Variants in ANAPC7 observed in about 807,000 individuals in gnomAD.
The protein encoded by ANAPC7 is anaphase-promoting complex subunit 7.
ANAPC7 carries 25 observed loss-of-function variants against 63.3 expected under a neutral mutation model. That is an observed-to-expected ratio of 0.39 (90% confidence interval 0.29 to 0.55). The LOEUF (loss-of-function observed/expected upper bound fraction) is 0.55, where lower values mean the gene tolerates loss of function less well. ANAPC7 is among the 20% of genes least tolerant of loss of function. The pLI, the probability that ANAPC7 is intolerant of heterozygous loss-of-function variation, is 0.57. For missense variants in ANAPC7, 516 were observed against 691.7 expected (o/e 0.75, Z 2.85); for synonymous variants, 241 against 251.7 (o/e 0.96, Z 0.40).
intron 3 of ANAPC7, among the ~76,000 whole-genome samples, chr12:110,391,643 T>C (rs1192049073): frequency 1.3e-5 from 2 of 152,146 alleles, no homozygotes; most frequent in Non-Finnish European, 1.5e-5. Flanking sequence ...CTAAGAATGA[T>C]GGCAATGAAA....
Position 110,381,955 on chromosome 12 carries a change from A to C in ANAPC7, c.936-7T>G. 6.3e-5 allele frequency: 27 copies of C among 428,024 alleles called. No homozygotes were observed. The East Asian group carries it at 9.6e-4, about 15-fold the overall frequency. The allele number at this position is 428,024 out of a possible 1,614,324, so 26.5% of individuals were successfully genotyped here. A position where few individuals can be genotyped will look rare whatever the true frequency, so the allele number is the denominator to read the frequency against. On this transcript the variant is annotated splice_polypyrimidine_tract_variant and splice_region_variant and intron_variant, in intron 7 of 10. Coordinates refer to ENST00000455511, the MANE Select transcript of ANAPC7 (RefSeq NM_016238.3). ...GCTATAGAAGCTGTGACAGCTGGAG[A>C]AAAAAAAAAAAAAAAAAACACAAAA...
chr12:110,377,996 C>A (rs1385017097), intron 8 of ANAPC7: 2 of 298,092 alleles, frequency 6.7e-6, no homozygotes, highest in Non-Finnish European at 1.2e-5. Flanking sequence ...CCAACAAAAC[C>A]CAAGGTTTTG....
intron 8 of ANAPC7, among the ~76,000 whole-genome samples, chr12:110,381,457 C>T (rs1881837553): frequency 6.6e-6 from 1 of 152,272 alleles, no homozygotes; most frequent in East Asian, 1.9e-4. Context: ...CTGCTTCAGC[C>T]TCCCAAGTAG....
chr12:110,384,704 A>C (rs1489483704), intron 6 of ANAPC7, among the ~76,000 whole-genome samples: 1 of 151,944 alleles, frequency 6.6e-6, no homozygotes, highest in East Asian at 1.9e-4. Flanking sequence ...AACAAAAAAA[A>C]CAAAAAACCA....
chr12:110,403,534 TA>T lies in ANAPC7; in HGVS notation c.93del (p.Asn31LysfsTer33). 1 of 1,601,698 alleles carries T rather than the reference TA, an allele frequency of 6.2e-7. No homozygotes were observed. The highest frequency in any genetic ancestry group is 8.5e-7 in the Non-Finnish European group (1 of 1,174,900). On this transcript the variant is annotated frameshift_variant, in exon 1 of 11. Transcript: ENST00000455511. LOFTEE classifies it high-confidence loss of function. Reference protein sequence around the residue: ...LLSSLLLTMSNNNPELFSPPQ... With the variant: ...LLSSLLLTMSXNNPELFSPPQ... ...CTACCCGCCTCAACTCACGGGTTGT[TA>T]TTACTCATTGTAAGTAACAAGCTGC... is the stretch of plus-strand genomic sequence containing the variant.
rs1047511827 is a variant in ANAPC7, at chr12:110,388,595, T to C, written c.437A>G (p.Lys146Arg). Residue 146 changes from lysine (K) to arginine (R), a missense_variant, in exon 4 of 11, where the codon AAG becomes AGG. Around this residue, in one of 4 missense-constraint regions of ANAPC7, gnomAD observed 185 missense variants for 200.3 expected, o/e 0.92. Transcript: ENST00000455511. ...TGAAGGGCGCTCCTGACCAGCCTTC[T>C]TGTACAGGTTTGCCAGCATCATGTT... ...KINMMLANLY[K>R]KAGQERPSVT... The C allele has an allele frequency of 6.2e-7, 1 of 1,614,178 alleles. No individual in the cohort carries two copies. The highest frequency in any genetic ancestry group is 8.5e-7 in the Non-Finnish European group (1 of 1,180,020).
chr12:110,397,114 G>A (rs1206325298), intron 1 of ANAPC7, among the ~76,000 whole-genome samples: 2 of 151,778 alleles, frequency 1.3e-5, no homozygotes, highest in Non-Finnish European at 2.9e-5. Context: ...TGAAGCAGGA[G>A]ACTGGCATGA....
Position 110,387,768 on chromosome 12 carries a change from A to T in ANAPC7, c.645T>A (p.Gly215=). Residue 215 remains glycine, a synonymous_variant, in exon 5 of 11, where the codon GGT becomes GGA. Coordinates refer to ENST00000455511, the MANE Select transcript of ANAPC7 (RefSeq NM_016238.3). Reference sequence around the variant, plus strand: ...TGGTACTGATTGCTCTTGAGTTGTCACCAGTGTGCACAAAAGCATACGCTT... The same window carrying T: ...TGGTACTGATTGCTCTTGAGTTGTCTCCAGTGTGCACAAAAGCATACGCTT... The part of the protein sequence containing the change: ...WIKAYAFVHT[G]DNSRAISTIC... 1 of 1,614,040 alleles carries T rather than the reference A, an allele frequency of 6.2e-7. No individual in the cohort carries two copies. The highest frequency in any genetic ancestry group is 1.1e-5 in the South Asian group (1 of 91,080).
chr12:110,379,811 G>A (rs1289477614), intron 8 of ANAPC7, among the ~76,000 whole-genome samples: 1 of 152,186 alleles, frequency 6.6e-6, no homozygotes, highest in Admixed American at 6.5e-5. Context: ...CATCTTGTAA[G>A]ATCTATTTTA....
chr12:110,383,100 C>G (rs1248548703), intron 6 of ANAPC7, 140 bp from the exon 7 acceptor site: 1 of 593,680 alleles, frequency 1.7e-6, no homozygotes, highest in Non-Finnish European at 3.0e-6. Flanking sequence ...CCATCACAGG[C>G]TCCTCCAACT....
chr12:110,395,272 G>A (rs753686130), intron 2 of ANAPC7, 52 bp from the exon 3 acceptor site: 6 of 1,539,416 alleles, frequency 3.9e-6, no homozygotes, highest in African/African-American at 2.8e-5. Flanking sequence ...CAATATGACA[G>A]TTCTTCAAAA....
intron 7 of ANAPC7, 94 bp from the exon 8 acceptor site, chr12:110,382,042 C>T (rs1881906493): frequency 1.6e-6 from 2 of 1,234,968 alleles, no homozygotes; most frequent in East Asian, 2.6e-5. Context: ...ATATTGAAGG[C>T]CCTGAACATA....
chr12:110,396,159 G>A, intron 2 of ANAPC7, 107 bp downstream of exon 2: 6 of 979,280 alleles, frequency 6.1e-6, no homozygotes. Context: ...CTGCTGTGCA[G>A]CCTGGTTCCT....
intron 1 of ANAPC7, among the ~76,000 whole-genome samples, chr12:110,396,999 C>G (rs1051049839): frequency 6.6e-6 from 1 of 150,824 alleles, no homozygotes; most frequent in African/African-American, 2.4e-5. Context: ...GTCAGGAGAT[C>G]GAGACCATCC....
chr12:110,395,279 A>G (rs1166021398), intron 2 of ANAPC7, 59 bp from the exon 3 acceptor site: 1 of 1,533,816 alleles, frequency 6.5e-7, no homozygotes, highest in East Asian at 2.3e-5. Flanking sequence ...ACAGTTCTTC[A>G]AAACGTTAAA....
intron 1 of ANAPC7, among the ~76,000 whole-genome samples, chr12:110,399,290 G>C (rs1360064646): frequency 6.6e-6 from 1 of 151,470 alleles, no homozygotes; most frequent in East Asian, 2.0e-4. Context: ...AAAGTGCTGG[G>C]ATTACAGGCG....
chr12:110,374,415 G>A, intron 10 of ANAPC7, 82 bp from the exon 11 acceptor site: 2 of 1,399,922 alleles, frequency 1.4e-6, no homozygotes, highest in Non-Finnish European at 2.0e-6. Context: ...TGGCCCGGCA[G>A]TGAAATGACC....
rs577103305 is a variant in ANAPC7 at position 110,388,367 on chromosome 12, A to G, written c.520+145T>C. 2.8e-4 allele frequency: 178 copies of G among 641,648 alleles called. 1 individual carries two copies. The highest frequency in any genetic ancestry group is 2.7e-3 in the African/African-American group (147 of 54,564). 39.7% of individuals were successfully genotyped at this position (641,648 alleles called of 1,614,324 possible). ...CCATAATTAAGTATTTCTTGATTGAATATGTGACAACAGGAATCCTACTAA... is the reference window on the plus strand; with the variant it reads ...CCATAATTAAGTATTTCTTGATTGAGTATGTGACAACAGGAATCCTACTAA... On this transcript the variant is annotated intron_variant, in intron 4 of 10. Transcript: ENST00000455511.
At chr12:110,402,656 A>T (rs2062248570) in intron 1 of ANAPC7, among the ~76,000 whole-genome samples, 1 of 151,180 alleles carries the variant, frequency 6.6e-6, no homozygotes, top group African/African-American at 2.4e-5. Flanking sequence ...TAAGCAGGAG[A>T]GGGACATGCA....
Sources: gnomAD v4.1 joint callset for allele counts (sites outside exome capture counted in the v4.1 genomes callset) on GRCh38, gnomAD v4.1.1 for gene constraint, gnomAD v4.1.1 regional missense constraint, MANE v1.5 for transcripts, NCBI Gene and HGNC (gene_info 2026-07-23, HGNC 2026-07-21) for gene names.